The following SYT17 variants were observed in gnomAD, a reference collection of about 807,000 sequenced individuals.
The protein encoded by SYT17 is synaptotagmin 17.
A neutral mutation model predicts 46.7 loss-of-function variants in SYT17; 22 were observed. The observed-to-expected ratio is 0.47, with a 90% confidence interval of 0.34 to 0.67. The LOEUF (loss-of-function observed/expected upper bound fraction) is 0.67, where lower values mean the gene tolerates loss of function less well. Ranked by LOEUF, SYT17 falls within the 30% of genes least tolerant of loss-of-function variation. SYT17 has a pLI of 0.01. For synonymous variants in SYT17, 251 were observed against 248.4 expected (o/e 1.01, Z -0.10); for missense variants, 519 against 612.8 (o/e 0.85, Z 1.62).
intron 7 of SYT17, among the ~76,000 whole-genome samples, chr16:19,240,579 G>T (rs1198722749): frequency 6.6e-6 from 1 of 152,200 alleles, no homozygotes; most frequent in African/African-American, 2.4e-5. Context: ...GCAGCCATGG[G>T]CTGGCCCAGG....
intron 7 of SYT17, among the ~76,000 whole-genome samples, chr16:19,245,023 C>A (rs62025398): frequency 0.068 from 10,367 of 152,248 alleles, 505 homozygotes; most frequent in Non-Finnish European, 0.1. Flanking sequence ...TCCATGCCTT[C>A]AACATGCTTG....
chr16:19,262,083 A>G (rs9926240), intron 7 of SYT17, among the ~76,000 whole-genome samples: 2,019 of 152,322 alleles, frequency 0.013, 39 homozygotes, highest in African/African-American at 0.041. Flanking sequence ...CTCAGGTCCA[A>G]TGATTCACCA....
chr16:19,253,400 A>AT (rs1968330353), intron 7 of SYT17, among the ~76,000 whole-genome samples: 1 of 151,992 alleles, frequency 6.6e-6, no homozygotes, highest in Non-Finnish European at 1.5e-5. Context: ...TTAAAAAAAA[A>AT]ATTTTTTAAA....
At chr16:19,254,191 C>T (rs117271638) in intron 7 of SYT17, among the ~76,000 whole-genome samples, 216 of 152,318 alleles carry the variant, frequency 1.4e-3, no homozygotes, top group East Asian at 0.013. Context: ...CCACCACAGG[C>T]ACCACCCTCT....
At chr16:19,200,927 C>T (rs975621381) in intron 5 of SYT17, among the ~76,000 whole-genome samples, 4 of 152,122 alleles carry the variant, frequency 2.6e-5, no homozygotes, top group Admixed American at 6.6e-5. Context: ...GGCAGAAGGT[C>T]GGATCAGCTC....
intron 5 of SYT17, among the ~76,000 whole-genome samples, chr16:19,196,490 G>A (rs372004818): frequency 2.6e-5 from 4 of 152,144 alleles, no homozygotes; most frequent in African/African-American, 9.6e-5. Context: ...TGATCCACCC[G>A]CCTTGGCCTC....
At chr16:19,231,887 A>G (rs35058660) in intron 7 of SYT17, among the ~76,000 whole-genome samples, 46,172 of 152,110 alleles carry the variant, frequency 0.3, 7,370 homozygotes, top group African/African-American at 0.35. Context: ...CACACCAATA[A>G]TGATTGAATT....
intron 5 of SYT17, among the ~76,000 whole-genome samples, chr16:19,193,757 C>T (rs539256473): frequency 2.3e-4 from 35 of 152,314 alleles, no homozygotes; most frequent in African/African-American, 8.2e-4. Context: ...CTGGGGAACT[C>T]AGTGTAGCCT....
At chr16:19,195,054 T>G (rs961214063) in intron 5 of SYT17, among the ~76,000 whole-genome samples, 2 of 152,232 alleles carry the variant, frequency 1.3e-5, no homozygotes, top group Non-Finnish European at 2.9e-5. Context: ...TGTGTGAACT[T>G]GGGTCTAACT....
Position 19,173,103 on chromosome 16 carries a change from A to G in SYT17, c.33+326A>G, listed in dbSNP as rs1280705588. 7.2e-6 allele frequency: 4 copies of G among 555,426 alleles called. No individual in the cohort carries two copies. In the East Asian group the frequency reaches 9.0e-5, roughly 12 times the overall value. 34.4% of individuals were successfully genotyped at this position (555,426 alleles called of 1,614,324 possible). Reference sequence around the variant, plus strand: ...ATTCATTGTGTTTCGAACATATCGTATAGCCCTTATGATGTTGTATAAACC... The same window carrying G: ...ATTCATTGTGTTTCGAACATATCGTGTAGCCCTTATGATGTTGTATAAACC... On this transcript the variant is annotated intron_variant, in intron 2 of 7. Coordinates refer to ENST00000355377, the MANE Select transcript of SYT17 (RefSeq NM_016524.4).
chr16:19,197,887 C>G (rs534017219), intron 5 of SYT17, among the ~76,000 whole-genome samples: 7 of 152,336 alleles, frequency 4.6e-5, no homozygotes, highest in African/African-American at 1.7e-4. Flanking sequence ...TCTTGCTGTA[C>G]TGTACCAAAA....
intron 7 of SYT17, among the ~76,000 whole-genome samples, chr16:19,253,008 G>C (rs191767864): frequency 2.8e-3 from 429 of 152,282 alleles, no homozygotes; most frequent in African/African-American, 9.8e-3. Flanking sequence ...TTTCTAACAG[G>C]TTTCCAGGTG....
chr16:19,219,121 G>GTGTCCATCTCCCAGATGTCGTAAGTC (rs1384235689), intron 5 of SYT17, among the ~76,000 whole-genome samples: 7 of 7,672 alleles, frequency 9.1e-4, no homozygotes, highest in East Asian at 7.8e-3. Flanking sequence ...AATAAAACAA[G>GTGTCCATCTCCCAGATGTCGTAAGTC]GCCGGGCGCG....
intron 5 of SYT17, among the ~76,000 whole-genome samples, chr16:19,188,890 T>C (rs1041797791): frequency 6.6e-6 from 1 of 152,096 alleles, no homozygotes. Context: ...CTGTGTCTCT[T>C]CTCTTCTTTT....
Position 19,168,339 on chromosome 16 carries a change from A to G in SYT17, c.-308A>G. 2.2e-6 allele frequency: 1 copy of G among 456,674 alleles called. No homozygotes were observed. The allele number at this position is 456,674 out of a possible 1,614,324, so 28.3% of individuals were successfully genotyped here. ...TGCCCAGGCGCCCCGGCCTTATTCC[A>G]GCCTGGGGAGCGCCTCGGTGGGGAG... On this transcript the variant is annotated 5_prime_UTR_variant, in exon 1 of 8. Coordinates refer to ENST00000355377, the MANE Select transcript of SYT17 (RefSeq NM_016524.4). The surrounding 1 kb of genome is among the most constrained non-coding windows in gnomAD (Gnocchi z 6.9).
chr16:19,219,121 G>GTGTCCATCTCCCAGATGTCGTAATTC (rs1384235689), intron 5 of SYT17, among the ~76,000 whole-genome samples: 1 of 7,688 alleles, frequency 1.3e-4, no homozygotes, highest in Non-Finnish European at 2.1e-4. Context: ...AATAAAACAA[G>GTGTCCATCTCCCAGATGTCGTAATTC]GCCGGGCGCG....
intron 7 of SYT17, among the ~76,000 whole-genome samples, chr16:19,239,371 C>CA (rs1192375843): frequency 1.3e-5 from 2 of 152,148 alleles, no homozygotes; most frequent in African/African-American, 4.8e-5. Context: ...CTTCTAGTGT[C>CA]ACCTGTCTGC....
chr16:19,183,649 C>T lies in SYT17; in HGVS notation c.453C>T (p.Asp151=), dbSNP rs375341168. Residue 151 remains aspartate (D), a synonymous_variant, in exon 5 of 8, where the codon GAC becomes GAT. Coordinates refer to ENST00000355377, the MANE Select transcript of SYT17 (RefSeq NM_016524.4). The surrounding 1 kb of genome is among the most constrained non-coding windows in gnomAD (Gnocchi z 5.6). ...TGCTCAGACGGACCTATAACCCCGA[C>T]GACTATTTCAGGAAGTTCGAACCCC... is the stretch of plus-strand genomic sequence containing the variant. ...PSVLRRTYNP[D]DYFRKFEPHL... 1.7e-5 allele frequency: 28 copies of T among 1,614,180 alleles called. No individual in the cohort carries two copies. The highest frequency in any genetic ancestry group is 1.2e-4 in the African/African-American group (9 of 75,030).
intron 5 of SYT17, among the ~76,000 whole-genome samples, chr16:19,198,677 T>A (rs1314521276): frequency 6.6e-6 from 1 of 152,216 alleles, no homozygotes; most frequent in Admixed American, 6.5e-5. Context: ...TGTTGCCCTG[T>A]CTCACTGAGG....
Sources: allele counts gnomAD v4.1 joint callset (sites outside exome capture counted in the v4.1 genomes callset), GRCh38; gene constraint gnomAD v4.1.1; non-coding constraint Gnocchi (gnomAD v3.1); transcripts MANE v1.5; gene names NCBI Gene and HGNC (gene_info 2026-07-23, HGNC 2026-07-21).